The following RERE variants were observed in gnomAD, a reference collection of about 807,000 sequenced individuals.
RERE encodes the protein arginine-glutamic acid dipeptide repeats.
Under a neutral mutation model 146.1 loss-of-function variants are expected in RERE, and 40 were observed. That is an observed-to-expected ratio of 0.27 (90% CI 0.21 to 0.36). The LOEUF is 0.36. Ranked by LOEUF, RERE falls within the 10% of genes least tolerant of loss-of-function variation. RERE has a pLI of 1.00. For missense variants in RERE, 1,933 were observed against 2,138.7 expected (o/e 0.90, Z 1.90); for synonymous variants, 1,003 against 866.0 (o/e 1.16, Z -2.78).
intron 4 of RERE, among the ~76,000 whole-genome samples, chr1:8,569,684 T>C (rs574599563): frequency 2.6e-5 from 4 of 152,264 alleles, no homozygotes; most frequent in South Asian, 2.1e-4. Flanking sequence ...TTGAGCCCAG[T>C]AGTTTGAGAC....
intron 2 of RERE, among the ~76,000 whole-genome samples, chr1:8,638,003 T>G (rs1286667004): frequency 1.3e-5 from 2 of 152,250 alleles, no homozygotes; most frequent in Non-Finnish European, 2.9e-5. Context: ...ACAGAACTAG[T>G]TAAACTGTGG....
At chr1:8,743,513 G>A (rs903523295) in intron 1 of RERE, among the ~76,000 whole-genome samples, 10 of 150,386 alleles carry the variant, frequency 6.6e-5, no homozygotes, top group Non-Finnish European at 1.3e-4. Context: ...AGGAATCCTC[G>A]GCCTCCCAAA....
At chr1:8,613,062 C>T (rs1646811143) in intron 4 of RERE, among the ~76,000 whole-genome samples, 1 of 152,158 alleles carries the variant, frequency 6.6e-6, no homozygotes, top group Non-Finnish European at 1.5e-5. Context: ...ATCAATATAT[C>T]ATCTCTACTG....
chr1:8,505,563 G>C (rs1392405586), intron 8 of RERE, among the ~76,000 whole-genome samples: 2 of 151,914 alleles, frequency 1.3e-5, no homozygotes, highest in Non-Finnish European at 2.9e-5. Flanking sequence ...TTAAAGACTG[G>C]TTCTGTCACC....
Position 8,395,399 on chromosome 1 carries a change from C to T in RERE, c.1284+27328G>A, listed in dbSNP as rs933921858. Among the ~76,000 whole-genome samples, 7 of 151,314 alleles carry T rather than the reference C, an allele frequency of 4.6e-5. No individual in the cohort carries two copies. In the South Asian group the frequency reaches 6.3e-4, roughly 14 times the overall value. ...CTGAGGCAGGAGAATAGCTTGAACC[C>T]GGGAGGCAGAGGTTGCAGTGAGCTG... On this transcript the variant is annotated intron_variant, in intron 12 of 22. Transcript: ENST00000400908.
chr1:8,466,915 T>C (rs371506017), intron 10 of RERE, among the ~76,000 whole-genome samples: 2 of 152,326 alleles, frequency 1.3e-5, no homozygotes, highest in African/African-American at 4.8e-5. Flanking sequence ...AAACAGCAGG[T>C]ACAAAGATCC....
chr1:8,368,815 C>T (rs113494610), intron 12 of RERE, among the ~76,000 whole-genome samples: 1,942 of 152,050 alleles, frequency 0.013, 39 homozygotes, highest in African/African-American at 0.045. Context: ...AATACCAGTA[C>T]TTTGGGAGGC....
intron 3 of RERE, among the ~76,000 whole-genome samples, chr1:8,617,350 A>AAAAAAAAAAAAC: frequency 6.7e-6 from 1 of 149,366 alleles, no homozygotes; most frequent in East Asian, 1.9e-4. Context: ...TCTCAAAAAA[A>AAAAAAAAAAAAC]AAAAAAAGAA....
chr1:8,717,281 T>C (rs958538135), intron 1 of RERE, among the ~76,000 whole-genome samples: 2 of 152,252 alleles, frequency 1.3e-5, no homozygotes, highest in Admixed American at 6.5e-5. Context: ...AAGCATGTTC[T>C]AAATTGCAAG....
chr1:8,675,681 C>T (rs1389965396), intron 1 of RERE, among the ~76,000 whole-genome samples: 1 of 151,898 alleles, frequency 6.6e-6, no homozygotes, highest in East Asian at 1.9e-4. Flanking sequence ...TGAGATCACA[C>T]CACTGCACTC....
intron 11 of RERE, among the ~76,000 whole-genome samples, chr1:8,447,620 A>G (rs934902489): frequency 5.9e-5 from 9 of 152,220 alleles, no homozygotes; most frequent in African/African-American, 2.2e-4. Context: ...GGGTATCACC[A>G]GCAGAGGCTG....
intron 1 of RERE, among the ~76,000 whole-genome samples, chr1:8,707,477 C>A (rs956447221): frequency 9.2e-5 from 14 of 152,154 alleles, no homozygotes; most frequent in African/African-American, 3.1e-4. Context: ...ATAACCATAT[C>A]TTCTGAAGAT....
At chr1:8,496,150 T>TAAAAAAAAAA (rs36115213) in intron 9 of RERE, among the ~76,000 whole-genome samples, 41 of 118,396 alleles carry the variant, frequency 3.5e-4, no homozygotes, top group African/African-American at 1.3e-3. Context: ...GACCCTGTCT[T>TAAAAAAAAAA]AAAAAAAAAA....
Position 8,358,576 on chromosome 1 carries a change from C to T in RERE, c.3959G>A (p.Arg1320Gln), listed in dbSNP as rs1162963641. Residue 1320 changes from arginine to glutamine, a missense_variant, in exon 20 of 23, where the codon CGG (arginine) becomes CAG (glutamine). Coordinates refer to ENST00000400908, the MANE Select transcript of RERE (RefSeq NM_001042681.2). ...REREIREREL[R>Q]ERMKPGFEVK... is the part of the protein sequence containing the mutation. ...CTCGAAGCCCGGCTTCATCCTCTCCCGCAGCTCCCGCTCTCGGATCTCCCG... is the reference window on the plus strand; with the variant it reads ...CTCGAAGCCCGGCTTCATCCTCTCCTGCAGCTCCCGCTCTCGGATCTCCCG... The T allele has an allele frequency of 1.2e-5, 19 of 1,605,996 alleles. No homozygotes were observed. Among genetic ancestry groups the T allele is most frequent in the South Asian group, 2.2e-5 (2 of 89,610 alleles).
intron 1 of RERE, among the ~76,000 whole-genome samples, chr1:8,799,673 C>T (rs977909509): frequency 5.9e-5 from 9 of 151,938 alleles, no homozygotes; most frequent in Non-Finnish European, 1.0e-4. Flanking sequence ...TTGTCCAATC[C>T]GCAGCCCAGG....
At chr1:8,816,972 G>T (rs1641924942) in intron 1 of RERE, among the ~76,000 whole-genome samples, 188 bp downstream of exon 1, 2 of 152,148 alleles carry the variant, frequency 1.3e-5, no homozygotes, top group African/African-American at 4.8e-5. Flanking sequence ...CGGTCACCTG[G>T]CCCGGACAGG....
chr1:8,794,226 C>T (rs116639560), intron 1 of RERE, among the ~76,000 whole-genome samples: 519 of 151,278 alleles, frequency 3.4e-3, no homozygotes, highest in South Asian at 0.011. Context: ...GGTGAAACTC[C>T]GTCTCTACTA....
chr1:8,361,261 G>C lies in RERE; in HGVS notation c.2246C>G (p.Pro749Arg), dbSNP rs1641569135. Residue 749 changes from proline to arginine, a missense_variant, in exon 18 of 23, where the codon CCA becomes CGA. Physicochemically the swap from Pro to Arg is moderately radical, Grantham distance 103 (BLOSUM62 -2). Coordinates refer to ENST00000400908, the MANE Select transcript of RERE (RefSeq NM_001042681.2). ...CCCTGGAGGAGCTGAGGAGGGAGCT[G>C]GGGTGACCCCAGTGGGAGCCTGCAA... Reference protein sequence around the residue: ...PALQAPTGVTPAPSSAPPGTP... With the variant: ...PALQAPTGVTRAPSSAPPGTP... 1 of 1,582,900 alleles carries C rather than the reference G, an allele frequency of 6.3e-7. No individual in the cohort carries two copies. The highest frequency in any genetic ancestry group is 8.6e-7 in the Non-Finnish European group (1 of 1,165,880).
At chr1:8,435,459 A>G (rs17032575) in intron 11 of RERE, among the ~76,000 whole-genome samples, 3,417 of 152,218 alleles carry the variant, frequency 0.022, 134 homozygotes, top group African/African-American at 0.079. Context: ...GTTTGACTCA[A>G]CGTCTCTTAA....
Sources: allele counts gnomAD v4.1 joint callset (sites outside exome capture counted in the v4.1 genomes callset), GRCh38; gene constraint gnomAD v4.1.1; transcripts MANE v1.5; gene names NCBI Gene and HGNC (gene_info 2026-07-23, HGNC 2026-07-21).